NFATC2: variants seen among roughly 807,000 people sequenced by gnomAD.
NFATC2 encodes nuclear factor of activated T-cells, cytoplasmic 2.
NFATC2 carries 22 observed loss-of-function variants against 87.3 expected under a neutral mutation model. The observed-to-expected ratio is 0.25, with a 90% CI of 0.18 to 0.36. NFATC2 has a LOEUF of 0.36. Among genes scored for constraint, NFATC2 ranks in the 10% least tolerant of loss-of-function variants. The pLI is 1.00. For missense variants in NFATC2, 1,149 were observed against 1,259.1 expected (o/e 0.91, Z 1.32); for synonymous variants, 565 against 542.2 (o/e 1.04, Z -0.58).
intron 9 of NFATC2, among the ~76,000 whole-genome samples, chr20:51,422,871 TTGAG>T (rs1190369012): frequency 1.3e-5 from 2 of 151,994 alleles, no homozygotes; most frequent in African/African-American, 4.8e-5. Flanking sequence ...ATGAAATGAG[TTGAG>T]TAACTGCCAC....
chr20:51,411,511 A>G (rs1320033615), intron 9 of NFATC2, among the ~76,000 whole-genome samples: 4 of 134,462 alleles, frequency 3.0e-5, no homozygotes, highest in Non-Finnish European at 6.2e-5. Flanking sequence ...AAGCAATGCA[A>G]TTGTCTTTTT....
intron 1 of NFATC2, among the ~76,000 whole-genome samples, chr20:51,540,589 ACT>A (rs949332789): frequency 3.9e-4 from 58 of 149,144 alleles, no homozygotes; most frequent in African/African-American, 1.3e-3. Context: ...GTATATGGGA[ACT>A]CTCTGTGCTA....
At chr20:51,428,472 C>T (rs1432927348) in intron 9 of NFATC2, among the ~76,000 whole-genome samples, 8 of 152,190 alleles carry the variant, frequency 5.3e-5, no homozygotes, top group Non-Finnish European at 1.0e-4. Context: ...GCAGAAGGAG[C>T]GCCTTGGTGT....
intron 9 of NFATC2, among the ~76,000 whole-genome samples, chr20:51,422,304 T>A (rs1370474115): frequency 6.6e-6 from 1 of 152,186 alleles, no homozygotes; most frequent in East Asian, 1.9e-4. Context: ...ATGAGACAGA[T>A]GTCATCCCCA....
intron 1 of NFATC2, among the ~76,000 whole-genome samples, chr20:51,528,800 C>T (rs6067811): frequency 0.35 from 53,072 of 152,094 alleles, 10,440 homozygotes; most frequent in South Asian, 0.45. Context: ...AGTCCTGCTC[C>T]GCCACTAAGT....
chr20:51,400,433 A>C (rs1987893622), intron 9 of NFATC2, among the ~76,000 whole-genome samples: 1 of 140,160 alleles, frequency 7.1e-6, no homozygotes. Flanking sequence ...AAACCTTCAA[A>C]CACCAAACCA....
At chr20:51,407,449 G>A (rs753551302) in intron 9 of NFATC2, among the ~76,000 whole-genome samples, 22 of 151,632 alleles carry the variant, frequency 1.5e-4, no homozygotes, top group Non-Finnish European at 2.1e-4. Flanking sequence ...CGAAAGAATG[G>A]ACAAATAAAT....
At chr20:51,537,390 A>T (rs75721467) in intron 1 of NFATC2, among the ~76,000 whole-genome samples, 3 of 152,162 alleles carry the variant, frequency 2.0e-5, no homozygotes, top group Non-Finnish European at 4.4e-5. Context: ...TGTGACCTCA[A>T]AAGTGTAAGG....
intron 1 of NFATC2, among the ~76,000 whole-genome samples, chr20:51,558,924 G>T (rs1051789397): frequency 7.2e-5 from 11 of 152,238 alleles, no homozygotes; most frequent in Non-Finnish European, 1.6e-4. Context: ...CTGGGACCCA[G>T]TGGAGACTCA....
rs140814380 is a variant in NFATC2, at chr20:51,558,306, C to T, written c.70+4254G>A. On this transcript the variant is annotated intron_variant, in intron 1 of 10. Coordinates refer to the NFATC2 transcript ENST00000414705. ...ACAGTGAGCCATGATCACACCACTGCACTTCATGCTGGGCAACAGAGTGAG... is the reference window on the plus strand; with the variant it reads ...ACAGTGAGCCATGATCACACCACTGTACTTCATGCTGGGCAACAGAGTGAG... 1.2e-3 allele frequency among the ~76,000 whole-genome samples: 178 copies of T among 152,282 alleles called. 1 individual carries two copies. The highest frequency in any genetic ancestry group is 4.2e-3 in the African/African-American group (174 of 41,544).
intron 9 of NFATC2, among the ~76,000 whole-genome samples, chr20:51,424,470 G>T (rs1403699680): frequency 6.6e-6 from 1 of 152,196 alleles, no homozygotes; most frequent in Non-Finnish European, 1.5e-5. Context: ...CTGGTACTGG[G>T]CAAAGAGCTT....
chr20:51,430,842 A>C (rs951500526), intron 9 of NFATC2, among the ~76,000 whole-genome samples: 2 of 151,888 alleles, frequency 1.3e-5, no homozygotes, highest in African/African-American at 4.8e-5. Context: ...TTTACTTCCT[A>C]CCCCTTGGCT....
chr20:51,493,238 A>G (rs73910887), intron 3 of NFATC2, among the ~76,000 whole-genome samples: 2,244 of 152,292 alleles, frequency 0.015, 58 homozygotes, highest in African/African-American at 0.051. Flanking sequence ...AGAAAAAAGC[A>G]CTTGTACATT....
intron 9 of NFATC2, among the ~76,000 whole-genome samples, chr20:51,404,142 C>T (rs1478333932): frequency 6.6e-6 from 1 of 152,194 alleles, no homozygotes; most frequent in Admixed American, 6.5e-5. Flanking sequence ...TGCTTGTCTG[C>T]CCATGATCAG....
chr20:51,484,902 G>A (rs1202333912), intron 3 of NFATC2, among the ~76,000 whole-genome samples: 1 of 152,226 alleles, frequency 6.6e-6, no homozygotes, highest in South Asian at 2.1e-4. Context: ...CAGCCGCCCT[G>A]CTGATAGTGG....
chr20:51,548,783 T>C (rs2076909594), intron 1 of NFATC2, among the ~76,000 whole-genome samples: 1 of 152,098 alleles, frequency 6.6e-6, no homozygotes, highest in Non-Finnish European at 1.5e-5. Flanking sequence ...CTACCTGAGA[T>C]CAATCAGTGA....
chr20:51,470,879 T>C (rs1456789387), intron 5 of NFATC2, among the ~76,000 whole-genome samples: 1 of 151,804 alleles, frequency 6.6e-6, no homozygotes, highest in African/African-American at 2.4e-5. Context: ...AGAACTAGAG[T>C]GGCCAACTGG....
In NFATC2 at chr20:51,549,495, C is replaced by T. The variant is rs145994206; in HGVS notation, c.70+13065G>A. Among the ~76,000 whole-genome samples, 214 of 152,338 alleles carry T rather than the reference C, an allele frequency of 1.4e-3. 2 individuals are homozygous for T. The highest frequency in any genetic ancestry group is 4.9e-3 in the African/African-American group (205 of 41,580). ...ATGAACCCCTTCCACCCCTTCCAGG[C>T]TGACTTTCCTGCTGAAGGTCAATGG... On this transcript the variant is annotated intron_variant, in intron 1 of 10. Coordinates refer to the NFATC2 transcript ENST00000414705.
At chr20:51,400,714 C>G (rs568871251) in intron 9 of NFATC2, among the ~76,000 whole-genome samples, 3 of 152,348 alleles carry the variant, frequency 2.0e-5, no homozygotes, top group African/African-American at 7.2e-5. Context: ...AAACACCCTC[C>G]TCCGCAGGTG....
Sources: allele counts gnomAD v4.1 joint callset (sites outside exome capture counted in the v4.1 genomes callset), GRCh38; gene constraint gnomAD v4.1.1; transcripts MANE v1.5; gene names NCBI Gene and HGNC (gene_info 2026-07-23, HGNC 2026-07-21).